Variants in PRELID2 observed in about 807,000 individuals in gnomAD.
PRELID2 encodes PRELI domain containing 2, also known as PRELI domain-containing protein 2.
Under a neutral mutation model 28.4 loss-of-function variants are expected in PRELID2, and 25 were observed. The observed-to-expected ratio is 0.88, with a 90% CI of 0.64 to 1.23. The LOEUF (loss-of-function observed/expected upper bound fraction) is 1.23, where lower values mean the gene tolerates loss of function less well. Among genes scored for constraint, PRELID2 ranks in the 50% most tolerant of loss-of-function variants. PRELID2 has a pLI of 0.00. For missense variants in PRELID2, 201 were observed against 214.4 expected (o/e 0.94, Z 0.39); for synonymous variants, 76 against 71.6 (o/e 1.06, Z -0.31).
At chr5:145,268,880 T>C in the PRELID2 span, among the ~76,000 whole-genome samples, 1 of 152,134 alleles carries the variant, frequency 6.6e-6, no homozygotes, top group African/African-American at 2.4e-5. Context: ...AATTTATTTC[T>C]TTATATTGAA....
Position 145,741,200 on chromosome 5 carries a change from GAT to G in PRELID2, n.70+23729_70+23730del, listed in dbSNP as rs1388474089. Reference sequence around the variant, plus strand: ...ATTTATATATAATATATACTATACAGATATAAATATATATAAAATATATATAT... The same window carrying G: ...ATTTATATATAATATATACTATACAGATAAATATATATAAAATATATATAT... On this transcript the variant is annotated intron_variant and non_coding_transcript_variant, in intron 1 of 2. Coordinates refer to the PRELID2 transcript ENST00000510259. 1.4e-4 allele frequency among the ~76,000 whole-genome samples: 9 copies of G among 62,610 alleles called. 1 individual carries two copies. The South Asian group carries it at 5.4e-3, about 37-fold the overall frequency. 41.1% of individuals were successfully genotyped at this position (62,610 alleles called of 152,430 possible).
chr5:145,337,792 G>GC, the PRELID2 span: 2 of 143,452 alleles, frequency 1.4e-5, no homozygotes, highest in Non-Finnish European at 3.0e-5. Flanking sequence ...GCAAGGTCTT[G>GC]CAGGGTATCA....
chr5:145,824,818 CTG>C (rs1755070842), intron 1 of PRELID2, among the ~76,000 whole-genome samples: 1 of 152,108 alleles, frequency 6.6e-6, no homozygotes, highest in African/African-American at 2.4e-5. Context: ...TTGGTAAACT[CTG>C]TCATTCACAC....
the PRELID2 span, among the ~76,000 whole-genome samples, chr5:145,372,168 G>T: frequency 2.6e-5 from 4 of 152,038 alleles, no homozygotes; most frequent in Non-Finnish European, 4.4e-5. Context: ...TGGTATCAAA[G>T]AACTTACTGA....
intron 1 of PRELID2, among the ~76,000 whole-genome samples, chr5:145,565,009 T>C (rs1561507226): frequency 6.6e-6 from 1 of 152,238 alleles, no homozygotes; most frequent in African/African-American, 2.4e-5. Context: ...CCTAATGAGA[T>C]GAGCCAGGTA....
chr5:145,510,353 A>T (rs1024323744), intron 1 of PRELID2, among the ~76,000 whole-genome samples: 3 of 152,234 alleles, frequency 2.0e-5, no homozygotes, highest in African/African-American at 7.2e-5. Flanking sequence ...CTCCATTGAC[A>T]TTGTTTTTTA....
chr5:145,711,463 T>C (rs1349174830), intron 1 of PRELID2, among the ~76,000 whole-genome samples: 2 of 152,098 alleles, frequency 1.3e-5, no homozygotes, highest in African/African-American at 4.8e-5. Context: ...CTGAACCATT[T>C]TGAGTTGTGA....
At chr5:145,520,346 A>G (rs1324851127) in intron 1 of PRELID2, among the ~76,000 whole-genome samples, 1 of 152,220 alleles carries the variant, frequency 6.6e-6, no homozygotes, top group Non-Finnish European at 1.5e-5. Flanking sequence ...AACATCTGCA[A>G]CAAAGAGGTA....
intron 1 of PRELID2, among the ~76,000 whole-genome samples, chr5:145,515,490 G>A (rs949728716): frequency 6.6e-6 from 1 of 152,126 alleles, no homozygotes; most frequent in African/African-American, 2.4e-5. Context: ...CTGAAATTGA[G>A]GCAATAATTA....
At chr5:145,449,550 G>A in the PRELID2 span, among the ~76,000 whole-genome samples, 4 of 152,182 alleles carry the variant, frequency 2.6e-5, no homozygotes, top group South Asian at 2.1e-4. Flanking sequence ...ACAGGGGTAC[G>A]TGGTGGGCCA....
the PRELID2 span, among the ~76,000 whole-genome samples, chr5:145,297,500 C>T: frequency 6.6e-6 from 1 of 152,124 alleles, no homozygotes; most frequent in Admixed American, 6.5e-5. Flanking sequence ...GACAAACCCA[C>T]AGCCAATATC....
the PRELID2 span, chr5:145,450,690 G>T: frequency 6.6e-6 from 1 of 152,184 alleles, no homozygotes; most frequent in South Asian, 2.1e-4. Context: ...CAAAGCAGAT[G>T]TGTCTAAGAT....
At chr5:145,568,834 G>C (rs1481484619) in intron 1 of PRELID2, among the ~76,000 whole-genome samples, 2 of 152,186 alleles carry the variant, frequency 1.3e-5, no homozygotes, top group Non-Finnish European at 1.5e-5. Context: ...CAGGTTACTG[G>C]GAAAACCTGG....
At chr5:145,754,141 A>G (rs764094505), downstream of PRELID2, 1 of 152,180 alleles carries the variant, frequency 6.6e-6, no homozygotes, top group Non-Finnish European at 1.5e-5. Context: ...GTACCTTGCA[A>G]TTTGTGTACT....
chr5:145,263,472 A>G, the PRELID2 span, among the ~76,000 whole-genome samples: 277 of 149,532 alleles, frequency 1.9e-3, no homozygotes, highest in African/African-American at 6.7e-3. Flanking sequence ...AAAATAAATT[A>G]AAACAAAAAA....
the PRELID2 span, among the ~76,000 whole-genome samples, chr5:145,431,527 A>T: frequency 2.0e-5 from 3 of 152,344 alleles, no homozygotes; most frequent in South Asian, 6.2e-4. Context: ...TCATGTGATC[A>T]AAGTGAACAT....
chr5:145,758,588 G>C lies in PRELID2; in HGVS notation c.*1948C>G, dbSNP rs1757332277. On this transcript the variant is annotated 3_prime_UTR_variant, in exon 7 of 7. Coordinates refer to ENST00000683046, the MANE Select transcript of PRELID2 (RefSeq NM_205846.3). ...GCCTTCAGAGGATGGGAGTTTTTGA[G>C]TGTGAAGGGTTAAACTTACTCTAAT... is the stretch of plus-strand genomic sequence containing the variant. Among the ~76,000 whole-genome samples the C allele has an allele frequency of 1.3e-5, 2 of 152,160 alleles. No homozygotes were observed. Among genetic ancestry groups the C allele is most frequent in the Non-Finnish European group, 1.5e-5 (1 of 68,022 alleles).
chr5:145,315,933 C>A, the PRELID2 span, among the ~76,000 whole-genome samples: 2 of 152,056 alleles, frequency 1.3e-5, no homozygotes, highest in Non-Finnish European at 2.9e-5. Context: ...AAAATATACT[C>A]AAAACTCATA....
chr5:145,239,787 T>G, the PRELID2 span, among the ~76,000 whole-genome samples: 3 of 152,020 alleles, frequency 2.0e-5, no homozygotes, highest in African/African-American at 7.2e-5. Flanking sequence ...ATCTGATGAA[T>G]GGACCCTTAT....
Sources: gnomAD v4.1 joint callset for allele counts (sites outside exome capture counted in the v4.1 genomes callset) on GRCh38, gnomAD v4.1.1 for gene constraint, MANE v1.5 for transcripts, NCBI Gene and HGNC (gene_info 2026-07-23, HGNC 2026-07-21) for gene names.